EIF4G1: variants seen among roughly 807,000 people sequenced by gnomAD.
EIF4G1 encodes EIF4-gamma.
EIF4G1 carries 4 observed loss-of-function variants against 187.8 expected under a neutral mutation model. The observed-to-expected ratio is 0.02, with a 90% CI of 0.01 to 0.05. The LOEUF (loss-of-function observed/expected upper bound fraction) is 0.05. Ranked by LOEUF, EIF4G1 falls within the 10% of genes least tolerant of loss-of-function variation. The pLI is 1.00. For missense variants in EIF4G1, 1,647 were observed against 2,081.1 expected (o/e 0.79, Z 4.06); for synonymous variants, 844 against 781.4 (o/e 1.08, Z -1.34).
chr3:184,323,319 G>A lies in EIF4G1; in HGVS notation c.2088+78G>A, dbSNP rs1032147650. 1 of 1,611,660 alleles carries A rather than the reference G, an allele frequency of 6.2e-7. No individual in the cohort carries two copies. The highest frequency in any genetic ancestry group is 1.1e-5 in the South Asian group (1 of 90,978). On this transcript the variant is annotated intron_variant, in intron 14 of 32. Transcript: ENST00000346169. The surrounding 1 kb of genome is among the most constrained non-coding windows in gnomAD (Gnocchi z 6.9). ...TCCGTGTCTCAGTGCCCGCGGGGAG[G>A]GGTTTGCCCTGGAGGCGTGTAGTAG...
At chr3:184,331,140 C>T in intron 28 of EIF4G1, 126 bp from the exon 29 acceptor site, 1 of 1,005,118 alleles carries the variant, frequency 9.9e-7, no homozygotes, top group South Asian at 1.3e-5. Context: ...ATTTCTATAG[C>T]ATCCTTAATG....
At chr3:184,330,356 G>A (rs1309669944) in intron 28 of EIF4G1, among the ~76,000 whole-genome samples, 1 of 152,156 alleles carries the variant, frequency 6.6e-6, no homozygotes, top group Admixed American at 6.5e-5. Flanking sequence ...TCCAGCCTGG[G>A]CGACAGAGCA....
chr3:184,320,178 C>T (rs991823414), intron 7 of EIF4G1: 9 of 1,019,200 alleles, frequency 8.8e-6, no homozygotes, highest in Non-Finnish European at 1.0e-5. Flanking sequence ...CTGCTCAGTC[C>T]TCAAGCCCTG....
Position 184,331,754 on chromosome 3 carries a change from A to G in EIF4G1, c.4422A>G (p.Val1474=), listed in dbSNP as rs941956144. ...CCAACCTGAGTGAGCAGCAGATAGT[A>G]TCCAACACGTTAGTTCGAGCCCTCA... ...IEANLSEQQI[V]SNTLVRALMT... is the part of the protein sequence containing the mutation. The change falls in exon 31 of 33, where the codon GTA becomes GTG. Residue 1474 remains valine, a synonymous_variant. Coordinates refer to ENST00000346169, the MANE Select transcript of EIF4G1 (RefSeq NM_198241.3). 3.7e-6 allele frequency: 6 copies of G among 1,614,210 alleles called. No individual in the cohort carries two copies. Among genetic ancestry groups the G allele is most frequent in the Non-Finnish European group, 5.1e-6 (6 of 1,180,032 alleles).
chr3:184,334,673 G>A lies in EIF4G1; in HGVS notation c.4619-54G>A. 1 of 1,610,220 alleles carries A rather than the reference G, an allele frequency of 6.2e-7. No homozygotes were observed. Among genetic ancestry groups the A allele is most frequent in the Non-Finnish European group, 8.5e-7 (1 of 1,176,934 alleles). On this transcript the variant is annotated intron_variant, in intron 32 of 32. Transcript: ENST00000346169. This position sits in a 1 kb window ranked among gnomAD's most constrained non-coding sequence, Gnocchi z 5.8. ...GGAACTTGGGAGGGTTCCCTGGGGTGGGCTGGGGTGGCGGTGGCCAGTCAC... is the reference window on the plus strand; with the variant it reads ...GGAACTTGGGAGGGTTCCCTGGGGTAGGCTGGGGTGGCGGTGGCCAGTCAC...
chr3:184,326,045 C>T (rs1724825524), intron 21 of EIF4G1, 94 bp downstream of exon 21: 2 of 1,322,370 alleles, frequency 1.5e-6, no homozygotes, highest in South Asian at 1.2e-5. Flanking sequence ...CTGAATGTTT[C>T]CTCTTAGACT....
At chr3:184,322,212 C>A in intron 10 of EIF4G1, 109 bp downstream of exon 10, 1 of 1,572,754 alleles carries the variant, frequency 6.4e-7, no homozygotes, top group South Asian at 1.1e-5. Flanking sequence ...GCAATGGAAT[C>A]TAAGAACTAG....
chr3:184,328,033 A>G (rs779538088), intron 26 of EIF4G1, 31 bp downstream of exon 26: 1 of 1,598,462 alleles, frequency 6.3e-7, no homozygotes, highest in Non-Finnish European at 8.5e-7. Context: ...CCTCCCACTT[A>G]TACAGACCCA....
rs375554033 is a variant in EIF4G1, at chr3:184,334,698, C to T, written c.4619-29C>T. 1.2e-5 allele frequency: 20 copies of T among 1,614,004 alleles called. No homozygotes were observed. Among genetic ancestry groups the T allele is most frequent in the Non-Finnish European group, 1.6e-5 (19 of 1,179,954 alleles). On this transcript the variant is annotated intron_variant, in intron 32 of 32. Coordinates refer to ENST00000346169, the MANE Select transcript of EIF4G1 (RefSeq NM_198241.3). This position sits in a 1 kb window ranked among gnomAD's most constrained non-coding sequence, Gnocchi z 5.8. ...GGGCTGGGGTGGCGGTGGCCAGTCA[C>T]CTCTAACTGCTGTCCCGCCTGCTTG...
chr3:184,331,648 AGGGTGG>A (rs764756313), intron 30 of EIF4G1, 42 bp downstream of exon 30: 34 of 353,606 alleles, frequency 9.6e-5, no homozygotes, highest in South Asian at 6.8e-4. Flanking sequence ...GGTAGTTCTT[AGGGTGG>A]GGGTGGGGGC....
intron 28 of EIF4G1, among the ~76,000 whole-genome samples, chr3:184,329,921 G>A (rs1239611409): frequency 6.6e-6 from 1 of 152,190 alleles, no homozygotes; most frequent in East Asian, 1.9e-4. Flanking sequence ...GAACCTGGAG[G>A]AATCACACTT....
In EIF4G1 at chr3:184,323,527, C is replaced by T. The variant is rs1427407339; in HGVS notation, c.2208C>T (p.Pro736=). 3 of 1,614,136 alleles carry T rather than the reference C, an allele frequency of 1.9e-6. No individual in the cohort carries two copies. The highest frequency in any genetic ancestry group is 3.3e-5 in the Admixed American group (2 of 60,020). Residue 736 remains proline (P), a synonymous_variant, in exon 15 of 33, where the codon CCC becomes CCT. Transcript: ENST00000346169. The surrounding 1 kb of genome is among the most constrained non-coding windows in gnomAD (Gnocchi z 6.9). ...ACAAAGCAGAGAAAGCCTGGAAACC[C>T]AGCAGCAAGCGGACGGCGGCTGATA... ...KLNKAEKAWK[P]SSKRTAADKD...
intron 22 of EIF4G1, 100 bp downstream of exon 22, chr3:184,326,729 C>T (rs1188640178): frequency 1.3e-6 from 2 of 1,483,254 alleles, no homozygotes; most frequent in African/African-American, 2.8e-5. Flanking sequence ...GGTGGTTAGG[C>T]AATGCGGGCA....
intron 2 of EIF4G1, 101 bp downstream of exon 2, chr3:184,315,646 C>A: frequency 1.3e-6 from 1 of 799,302 alleles, no homozygotes; most frequent in Non-Finnish European, 2.2e-6. Context: ...CTGCTTCACC[C>A]TCTTGGCATC....
In EIF4G1 at chr3:184,323,728, C is replaced by T. The variant is rs1048876606; in HGVS notation, c.2275-52C>T. On this transcript the variant is annotated intron_variant, in intron 15 of 32. Transcript: ENST00000346169. This position sits in a 1 kb window ranked among gnomAD's most constrained non-coding sequence, Gnocchi z 6.9. Reference sequence around the variant, plus strand: ...CCCCACCACCCTCTCCTGTCCCTCCCAACAGCCTGTTCTGAGACCCTCACT... The same window carrying T: ...CCCCACCACCCTCTCCTGTCCCTCCTAACAGCCTGTTCTGAGACCCTCACT... The T allele has an allele frequency of 1.4e-5, 23 of 1,611,704 alleles. No homozygotes were observed. Among genetic ancestry groups the T allele is most frequent in the Non-Finnish European group, 2.0e-5 (23 of 1,179,404 alleles).
At chr3:184,317,629 C>T in intron 5 of EIF4G1, 88 bp from the exon 6 acceptor site, 1 of 1,530,948 alleles carries the variant, frequency 6.5e-7, no homozygotes, top group South Asian at 1.1e-5. Flanking sequence ...GTTGGCTTGT[C>T]TTGTCTTGAC....
rs1478603156 is a variant in EIF4G1 at position 184,327,976 on chromosome 3, T to C, written c.3927T>C (p.His1309=). Residue 1309 remains histidine (H), a synonymous_variant, in exon 26 of 33, where the codon CAT becomes CAC. Transcript: ENST00000346169. ...TGCACCAGCTGCTCTGTGCTGGGCA[T>C]CTGTCTACTGCTCAGTACTACCAAG... ...QLLHQLLCAG[H]LSTAQYYQGL... 1.2e-6 allele frequency: 2 copies of C among 1,608,090 alleles called. No homozygotes were observed. Among genetic ancestry groups the C allele is most frequent in the Admixed American group, 3.3e-5 (2 of 60,012 alleles).
chr3:184,317,123 C>A (rs1293152043), intron 4 of EIF4G1, among the ~76,000 whole-genome samples, 198 bp from the exon 5 acceptor site: 2 of 152,150 alleles, frequency 1.3e-5, no homozygotes, highest in Non-Finnish European at 2.9e-5. Flanking sequence ...AAGTGTACAT[C>A]TGAATTTGGA....
chr3:184,324,636 A>G (rs2108495137), intron 17 of EIF4G1, among the ~76,000 whole-genome samples: 1 of 151,962 alleles, frequency 6.6e-6, no homozygotes, highest in South Asian at 2.1e-4. Flanking sequence ...ATTTTTTTGT[A>G]TTTTTAATAG....
Sources: allele counts gnomAD v4.1 joint callset (sites outside exome capture counted in the v4.1 genomes callset), GRCh38; gene constraint gnomAD v4.1.1; non-coding constraint Gnocchi (gnomAD v3.1); transcripts MANE v1.5; gene names NCBI Gene and HGNC (gene_info 2026-07-23, HGNC 2026-07-21).